Variants in DYNC2I1 observed in about 807,000 individuals in gnomAD.
The protein encoded by DYNC2I1 is cytoplasmic dynein 2 intermediate chain 1.
In DYNC2I1, 89 loss-of-function variants were observed where a neutral mutation model predicts 133.4. The ratio of observed to expected loss-of-function variants is 0.67; its 90% CI spans 0.56 to 0.80. The LOEUF (loss-of-function observed/expected upper bound fraction) is 0.80, where lower values mean the gene tolerates loss of function less well. Ranked by LOEUF, DYNC2I1 falls within the 30% of genes least tolerant of loss-of-function variation. DYNC2I1 has a pLI of 0.00. For missense variants in DYNC2I1, 1,291 were observed against 1,314.5 expected (o/e 0.98, Z 0.28); for synonymous variants, 504 against 484.3 (o/e 1.04, Z -0.54).
chr7:158,902,914 A>T (rs1846388405), intron 10 of DYNC2I1: 1 of 276,834 alleles, frequency 3.6e-6, no homozygotes, highest in Admixed American at 5.0e-5. Flanking sequence ...GGAGCTGAGG[A>T]TGCTGTGGCC....
At chr7:158,886,913 A>T in intron 6 of DYNC2I1, 108 bp from the exon 7 acceptor site, 1 of 1,046,894 alleles carries the variant, frequency 9.6e-7, no homozygotes, top group Non-Finnish European at 1.4e-6. Context: ...AGTAGTTCTT[A>T]ATCATATCAA....
intron 1 of DYNC2I1, among the ~76,000 whole-genome samples, chr7:158,857,846 A>G (rs1841448806): frequency 6.9e-6 from 1 of 145,872 alleles, no homozygotes; most frequent in South Asian, 2.2e-4. Context: ...GCTGGAGTAC[A>G]GTGGCACGAT....
intron 23 of DYNC2I1, among the ~76,000 whole-genome samples, chr7:158,941,515 T>G (rs1851355897): frequency 6.6e-6 from 1 of 152,200 alleles, no homozygotes; most frequent in African/African-American, 2.4e-5. Flanking sequence ...CAAATTAATG[T>G]TTTTGCAGTA....
Position 158,911,407 on chromosome 7 carries a change from A to T in DYNC2I1, c.1461-143A>T, listed in dbSNP as rs1847461785. On this transcript the variant is annotated intron_variant, in intron 11 of 24. Transcript: ENST00000407559. ...TACTCAGTTATTTTTAACAGCTGTTAAATATCTCAGACTCACCCCAGCCTG... is the reference window on the plus strand; with the variant it reads ...TACTCAGTTATTTTTAACAGCTGTTTAATATCTCAGACTCACCCCAGCCTG... The T allele has an allele frequency of 1.3e-5, 11 of 860,072 alleles. No individual in the cohort carries two copies. The East Asian group carries it at 2.7e-4, about 21-fold the overall frequency. The allele number at this position is 860,072 out of a possible 1,614,324, so 53.3% of individuals were successfully genotyped here. A position where few individuals can be genotyped will look rare whatever the true frequency, so the allele number is the denominator to read the frequency against.
At chr7:158,857,335 A>C (rs1841365877) in intron 1 of DYNC2I1, among the ~76,000 whole-genome samples, 1 of 152,154 alleles carries the variant, frequency 6.6e-6, no homozygotes. Flanking sequence ...TGCATAGACC[A>C]GTGCCTGCTT....
intron 1 of DYNC2I1, among the ~76,000 whole-genome samples, chr7:158,865,439 C>T (rs749145537): frequency 1.3e-5 from 2 of 152,180 alleles, no homozygotes; most frequent in East Asian, 3.8e-4. Flanking sequence ...TGATGTAAAT[C>T]GAGCATAAAT....
Position 158,883,631 on chromosome 7 carries a change from T to C in DYNC2I1, c.880-933T>C, listed in dbSNP as rs538086791. 2.7e-5 allele frequency among the ~76,000 whole-genome samples: 4 copies of C among 150,824 alleles called. No individual in the cohort carries two copies. The East Asian group carries it at 7.9e-4, about 30-fold the overall frequency. On this transcript the variant is annotated intron_variant, in intron 5 of 24. Transcript: ENST00000407559. Reference sequence around the variant, plus strand: ...GAGTAAGTACAATAAATATACAAAATGTTCTAAGCTTCCTGACCAGTGACT... The same window carrying C: ...GAGTAAGTACAATAAATATACAAAACGTTCTAAGCTTCCTGACCAGTGACT...
At chr7:158,929,698 C>G (rs942986186) in intron 20 of DYNC2I1, among the ~76,000 whole-genome samples, 3 of 152,224 alleles carry the variant, frequency 2.0e-5, no homozygotes, top group African/African-American at 7.2e-5. Context: ...AATTCACCTG[C>G]CCCCAGAGTT....
intron 6 of DYNC2I1, 148 bp downstream of exon 6, chr7:158,884,767 C>A: frequency 1.5e-6 from 1 of 661,516 alleles, no homozygotes; most frequent in Non-Finnish European, 2.3e-6. Context: ...ACCCCTTAGC[C>A]CCTCCAAATG....
intron 21 of DYNC2I1, among the ~76,000 whole-genome samples, chr7:158,930,727 G>C (rs1317640917): frequency 6.6e-6 from 1 of 152,060 alleles, no homozygotes; most frequent in Non-Finnish European, 1.5e-5. Context: ...GGAGTGCAGT[G>C]GTGCAATCTT....
chr7:158,926,377 T>G (rs145608055), intron 18 of DYNC2I1, 25 bp from the exon 19 acceptor site: 2 of 1,607,326 alleles, frequency 1.2e-6, no homozygotes, highest in East Asian at 4.5e-5. Flanking sequence ...AGCCATTTCT[T>G]TCTTTTTGTT....
intron 5 of DYNC2I1, among the ~76,000 whole-genome samples, chr7:158,882,972 G>A (rs769461040): frequency 7.3e-5 from 11 of 151,446 alleles, no homozygotes; most frequent in African/African-American, 1.5e-4. Context: ...TTTCCTTTGC[G>A]TTGACTTTCA....
chr7:158,944,113 T>C (rs1563214090), intron 24 of DYNC2I1, among the ~76,000 whole-genome samples: 1 of 152,138 alleles, frequency 6.6e-6, no homozygotes, highest in African/African-American at 2.4e-5. Flanking sequence ...TTTAACACTT[T>C]TAGAGTTACG....
chr7:158,876,472 G>A, intron 3 of DYNC2I1, 137 bp from the exon 4 acceptor site: 2 of 1,096,258 alleles, frequency 1.8e-6, no homozygotes, highest in Non-Finnish European at 2.5e-6. Flanking sequence ...TTGGAGGCAT[G>A]TGTTTTAGTT....
intron 8 of DYNC2I1, among the ~76,000 whole-genome samples, chr7:158,895,813 T>A (rs2129482920): frequency 6.6e-6 from 1 of 152,380 alleles, no homozygotes; most frequent in East Asian, 1.9e-4. Context: ...AGCAGAGCTT[T>A]ATAATTTTTC....
the DYNC2I1 span, among the ~76,000 whole-genome samples, chr7:158,844,733 TGCCTCA>T: frequency 6.6e-6 from 1 of 152,266 alleles, no homozygotes; most frequent in African/African-American, 2.4e-5. Context: ...GCGATTCTCC[TGCCTCA>T]GCCTCTCGAG....
chr7:158,857,588 A>T (rs1202019249), intron 1 of DYNC2I1, among the ~76,000 whole-genome samples: 1 of 137,364 alleles, frequency 7.3e-6, no homozygotes, highest in Non-Finnish European at 1.5e-5. Flanking sequence ...ACCAGGCTGG[A>T]ATGCAATGGC....
At chr7:158,923,429 T>C in intron 16 of DYNC2I1, 142 bp from the exon 17 acceptor site, 2 of 1,092,192 alleles carry the variant, frequency 1.8e-6, no homozygotes, top group Admixed American at 4.4e-5. Context: ...TGTGCAGGAG[T>C]CTACGTTCTG....
At chr7:158,917,103 C>G (rs13223483) in intron 14 of DYNC2I1, among the ~76,000 whole-genome samples, 2,446 of 88,356 alleles carry the variant, frequency 0.028, 4 homozygotes, top group East Asian at 0.1. Flanking sequence ...CGCTGGTTGA[C>G]ATTAAGGATG....
Sources: gnomAD v4.1 joint callset for allele counts (sites outside exome capture counted in the v4.1 genomes callset) on GRCh38, gnomAD v4.1.1 for gene constraint, MANE v1.5 for transcripts, NCBI Gene and HGNC (gene_info 2026-07-23, HGNC 2026-07-21) for gene names.